Variants in ITPR2 observed in about 807,000 individuals in gnomAD.
ITPR2 encodes inositol 1,4,5-trisphosphate receptor type 2, also known as inositol 1,4,5-trisphosphate-gated calcium channel ITPR2.
ITPR2 carries 207 observed loss-of-function variants against 317.1 expected under a neutral mutation model. The ratio of observed to expected loss-of-function variants is 0.65; its 90% CI spans 0.58 to 0.73. ITPR2 has a LOEUF of 0.73. Among genes scored for constraint, ITPR2 ranks in the 30% least tolerant of loss-of-function variants. The pLI is 0.00. For missense variants in ITPR2, 2,613 were observed against 3,284.0 expected (o/e 0.80, Z 4.99); for synonymous variants, 1,156 against 1,149.1 (o/e 1.01, Z -0.12).
At chr12:26,797,057 G>C (rs954851813) in intron 1 of ITPR2, among the ~76,000 whole-genome samples, 1 of 151,814 alleles carries the variant, frequency 6.6e-6, no homozygotes, top group Non-Finnish European at 1.5e-5. Context: ...CAAAAGGTAT[G>C]ACTAAATGAA....
At chr12:26,447,132 T>C (rs544301486) in intron 45 of ITPR2, among the ~76,000 whole-genome samples, 13 of 152,212 alleles carry the variant, frequency 8.5e-5, no homozygotes, top group African/African-American at 3.1e-4. Flanking sequence ...CAGAATTTGA[T>C]ACATAAAATA....
chr12:26,701,961 A>C (rs1948452341), intron 9 of ITPR2, among the ~76,000 whole-genome samples: 1 of 152,206 alleles, frequency 6.6e-6, no homozygotes, highest in Admixed American at 6.5e-5. Flanking sequence ...AGATCCAAAG[A>C]AAGAAAATGC....
At chr12:26,756,369 T>C (rs1163657818) in intron 2 of ITPR2, among the ~76,000 whole-genome samples, 2 of 152,232 alleles carry the variant, frequency 1.3e-5, no homozygotes, top group African/African-American at 4.8e-5. Context: ...TCTAATTCTG[T>C]GCATATATTG....
At position 26,431,788 on chromosome 12, in the gene ITPR2, A is replaced by C. The variant is rs1015401549; in HGVS notation, c.6770-3700T>G. Among the ~76,000 whole-genome samples the C allele has an allele frequency of 5.9e-5, 9 of 152,332 alleles. No individual in the cohort carries two copies. The South Asian group carries it at 1.9e-3, about 32-fold the overall frequency. ...AAATATTTGAGCACAAGAAACTCCTAGTAGTCCAGGTGTTCAGACTGGGAA... is the reference window on the plus strand; with the variant it reads ...AAATATTTGAGCACAAGAAACTCCTCGTAGTCCAGGTGTTCAGACTGGGAA... On this transcript the variant is annotated intron_variant, in intron 48 of 56. Transcript: ENST00000381340.
At chr12:26,694,543 A>G (rs1948300083) in intron 10 of ITPR2, among the ~76,000 whole-genome samples, 1 of 152,156 alleles carries the variant, frequency 6.6e-6, no homozygotes, top group Non-Finnish European at 1.5e-5. Flanking sequence ...TCACTGCATA[A>G]GTAATAAACC....
At chr12:26,504,371 A>C (rs1423592042) in intron 37 of ITPR2, among the ~76,000 whole-genome samples, 1 of 152,210 alleles carries the variant, frequency 6.6e-6, no homozygotes, top group East Asian at 1.9e-4. Flanking sequence ...ACAACAGATG[A>C]CTGGTATTCA....
At chr12:26,560,863 T>C (rs1944798879) in intron 35 of ITPR2, among the ~76,000 whole-genome samples, 1 of 152,196 alleles carries the variant, frequency 6.6e-6, no homozygotes, top group Non-Finnish European at 1.5e-5. Context: ...GTCTTGGCCA[T>C]TTTGTAGAAA....
At chr12:26,671,617 G>A (rs567752630) in intron 13 of ITPR2, among the ~76,000 whole-genome samples, 3 of 152,146 alleles carry the variant, frequency 2.0e-5, no homozygotes, top group African/African-American at 7.2e-5. Context: ...AAAGACCATC[G>A]AGACTAGGAA....
chr12:26,753,424 A>T (rs1396517977), intron 2 of ITPR2, among the ~76,000 whole-genome samples: 1 of 152,150 alleles, frequency 6.6e-6, no homozygotes. Flanking sequence ...TTCACCCTAA[A>T]AGGGGAAACT....
At chr12:26,384,998 C>A (rs1047419640) in intron 55 of ITPR2, among the ~76,000 whole-genome samples, 31 of 152,160 alleles carry the variant, frequency 2.0e-4, no homozygotes, top group Non-Finnish European at 2.4e-4. Flanking sequence ...ACAGTGAGAA[C>A]CATCATTTAC....
intron 35 of ITPR2, among the ~76,000 whole-genome samples, chr12:26,557,990 C>T (rs1472757239): frequency 6.6e-6 from 1 of 152,116 alleles, no homozygotes; most frequent in Non-Finnish European, 1.5e-5. Flanking sequence ...GGGGATGTCA[C>T]CCTCTTGATT....
At chr12:26,539,924 A>G (rs1944210733) in intron 37 of ITPR2, among the ~76,000 whole-genome samples, 1 of 152,234 alleles carries the variant, frequency 6.6e-6, no homozygotes, top group African/African-American at 2.4e-5. Context: ...AGCTGGTAAC[A>G]TTTACATCTA....
intron 46 of ITPR2, among the ~76,000 whole-genome samples, chr12:26,441,066 G>T (rs1317541981): frequency 6.6e-6 from 1 of 151,420 alleles, no homozygotes; most frequent in Non-Finnish European, 1.5e-5. Context: ...TGGCTCTTCA[G>T]ATGTTAGAGT....
chr12:26,534,977 A>G (rs1944047908), intron 37 of ITPR2, among the ~76,000 whole-genome samples: 1 of 152,228 alleles, frequency 6.6e-6, no homozygotes, highest in Non-Finnish European at 1.5e-5. Flanking sequence ...CTGCACAGCA[A>G]GGTGACTATG....
intron 21 of ITPR2, 76 bp downstream of exon 21, chr12:26,653,900 C>T (rs1947314017): frequency 8.2e-7 from 1 of 1,212,390 alleles, no homozygotes; most frequent in Non-Finnish European, 1.2e-6. Context: ...AATAGCAACC[C>T]CTTCTCTGTA....
intron 11 of ITPR2, among the ~76,000 whole-genome samples, chr12:26,685,494 G>A (rs1948108631): frequency 6.6e-6 from 1 of 152,162 alleles, no homozygotes; most frequent in Non-Finnish European, 1.5e-5. Context: ...CTACTCAGGA[G>A]ACTGAGGTGG....
chr12:26,517,831 C>T (rs1019991320), intron 37 of ITPR2, among the ~76,000 whole-genome samples: 1 of 151,764 alleles, frequency 6.6e-6, no homozygotes, highest in African/African-American at 2.4e-5. Flanking sequence ...GGGCAAGACT[C>T]TGTATCAAAC....
At chr12:26,715,575 TATTTAAAC>T in intron 7 of ITPR2, 130 bp from the exon 8 acceptor site, 1 of 886,710 alleles carries the variant, frequency 1.1e-6, no homozygotes, top group Non-Finnish European at 1.7e-6. Flanking sequence ...ATTTAATGCT[TATTTAAAC>T]ATTTAAAAAT....
intron 21 of ITPR2, 51 bp from the exon 22 acceptor site, chr12:26,632,110 G>A (rs192187798): frequency 7.0e-7 from 1 of 1,423,476 alleles, no homozygotes; most frequent in Non-Finnish European, 9.4e-7. Flanking sequence ...TGGAGATCAT[G>A]TAACTATAAA....
Sources: gnomAD v4.1 joint callset for allele counts (sites outside exome capture counted in the v4.1 genomes callset) on GRCh38, gnomAD v4.1.1 for gene constraint, MANE v1.5 for transcripts, NCBI Gene and HGNC (gene_info 2026-07-23, HGNC 2026-07-21) for gene names.